Variants in KCNA2 observed in about 807,000 individuals in gnomAD.
KCNA2 encodes potassium channel, voltage gated shaker related subfamily A, member 2.
Under a neutral mutation model 33.4 loss-of-function variants are expected in KCNA2, and 11 were observed. The observed-to-expected ratio is 0.33, with a 90% CI of 0.21 to 0.55. The LOEUF is 0.55. KCNA2 is among the 20% of genes least tolerant of loss of function. The pLI, the probability that KCNA2 is intolerant of heterozygous loss-of-function variation, is 0.93. For missense variants in KCNA2, 291 were observed against 621.6 expected (o/e 0.47, Z 5.66); for synonymous variants, 222 against 231.3 (o/e 0.96, Z 0.37).
Position 110,598,007 on chromosome 1 carries a change from T to G in KCNA2, c.*5276A>C. On this transcript the variant is annotated 3_prime_UTR_variant, in exon 3 of 3. Transcript: ENST00000316361. ...AGGGTTGGACTCAACAAGGGCTAAG[T>G]CTGAAGATATAGATGATGGTCACAA... 3.0e-6 allele frequency: 3 copies of G among 985,328 alleles called. No individual in the cohort carries two copies. The highest frequency in any genetic ancestry group is 4.7e-5 in the South Asian group (1 of 21,274). The allele number at this position is 985,328 out of a possible 1,614,324, so 61.0% of individuals were successfully genotyped here.
At position 110,595,190 on chromosome 1, in the gene KCNA2, T is replaced by C. The variant is rs1423424778; in HGVS notation, c.*8093A>G. On this transcript the variant is annotated 3_prime_UTR_variant, in exon 3 of 3. Coordinates refer to ENST00000316361, the MANE Select transcript of KCNA2 (RefSeq NM_004974.4). Reference sequence around the variant, plus strand: ...GATGTTGCAGTAGCTGTCCACATTATTACATAATCATGCCCTGTGCATCCA... The same window carrying C: ...GATGTTGCAGTAGCTGTCCACATTACTACATAATCATGCCCTGTGCATCCA... 1.0e-6 allele frequency: 1 copy of C among 985,286 alleles called. No homozygotes were observed. The highest frequency in any genetic ancestry group is 1.2e-6 in the Non-Finnish European group (1 of 829,924). 61.0% of individuals were successfully genotyped at this position (985,286 alleles called of 1,614,324 possible). A position where few individuals can be genotyped will look rare whatever the true frequency, so the allele number is the denominator to read the frequency against.
In KCNA2 at chr1:110,594,254, C is replaced by T; in HGVS notation, c.*9029G>A. The T allele has an allele frequency of 9.9e-7, 1 of 1,011,390 alleles. No homozygotes were observed. Among genetic ancestry groups the T allele is most frequent in the East Asian group, 9.9e-5 (1 of 10,070 alleles). The allele number at this position is 1,011,390 out of a possible 1,614,324, so 62.7% of individuals were successfully genotyped here. A position where few individuals can be genotyped will look rare whatever the true frequency, so the allele number is the denominator to read the frequency against. On this transcript the variant is annotated 3_prime_UTR_variant, in exon 3 of 3. Transcript: ENST00000316361. ...CTAACTGGAGTCTGTGCTGCATGAG[C>T]CTAAGTGAGTGGCGGCCATTTCCTC...
chr1:110,617,332 G>C (rs61784714), intron 1 of KCNA2, among the ~76,000 whole-genome samples: 5,907 of 152,326 alleles, frequency 0.039, 138 homozygotes, highest in Middle Eastern at 0.071. Context: ...GCGCCAGATG[G>C]AGTGCCAGGA....
chr1:110,599,239 C>T lies in KCNA2; in HGVS notation c.*4044G>A. The T allele has an allele frequency of 3.0e-6, 3 of 985,370 alleles. No homozygotes were observed. The highest frequency in any genetic ancestry group is 2.4e-6 in the Non-Finnish European group (2 of 829,870). The allele number at this position is 985,370 out of a possible 1,614,324, so 61.0% of individuals were successfully genotyped here. On this transcript the variant is annotated 3_prime_UTR_variant, in exon 3 of 3. Coordinates refer to ENST00000316361, the MANE Select transcript of KCNA2 (RefSeq NM_004974.4). Reference sequence around the variant, plus strand: ...AGCCTTTGCTAAAATGCACTCAGCTCTCAGCTAGTCCTACTTAGGGGAAGA... The same window carrying T: ...AGCCTTTGCTAAAATGCACTCAGCTTTCAGCTAGTCCTACTTAGGGGAAGA...
At chr1:110,619,391 C>T (rs1264257099) in intron 1 of KCNA2, among the ~76,000 whole-genome samples, 2 of 152,256 alleles carry the variant, frequency 1.3e-5, no homozygotes, top group Non-Finnish European at 2.9e-5. Flanking sequence ...TCTCCTGTCT[C>T]GGCTATGAAA....
intron 1 of KCNA2, among the ~76,000 whole-genome samples, chr1:110,628,592 T>C (rs1261446385): frequency 6.6e-6 from 1 of 152,218 alleles, no homozygotes; most frequent in Non-Finnish European, 1.5e-5. Context: ...ATGGGGGCCT[T>C]GTCCAGTGTC....
intron 1 of KCNA2, among the ~76,000 whole-genome samples, chr1:110,612,689 C>T (rs765303438): frequency 1.3e-5 from 2 of 152,202 alleles, no homozygotes; most frequent in Non-Finnish European, 2.9e-5. Flanking sequence ...CAGGTAGGAT[C>T]TATCACCTCT....
intron 1 of KCNA2, among the ~76,000 whole-genome samples, chr1:110,626,383 C>CA (rs1222894142): frequency 3.3e-5 from 5 of 150,380 alleles, no homozygotes; most frequent in Admixed American, 2.0e-4. Flanking sequence ...CTTTTGAGTA[C>CA]AAAAATCAGA....
Position 110,594,586 on chromosome 1 carries a change from G to A in KCNA2, c.*8697C>T, listed in dbSNP as rs926580378. The A allele has an allele frequency of 3.0e-6, 3 of 985,262 alleles. No individual in the cohort carries two copies. Among genetic ancestry groups the A allele is most frequent in the African/African-American group, 3.5e-5 (2 of 57,202 alleles). 61.0% of individuals were successfully genotyped at this position (985,262 alleles called of 1,614,324 possible). Reference sequence around the variant, plus strand: ...AAGAGGCCAATTTGGCTGGGGTATTGTTTGCTCAGCAGGCTAGAGCTTGAT... The same window carrying A: ...AAGAGGCCAATTTGGCTGGGGTATTATTTGCTCAGCAGGCTAGAGCTTGAT... On this transcript the variant is annotated 3_prime_UTR_variant, in exon 3 of 3. Coordinates refer to ENST00000316361, the MANE Select transcript of KCNA2 (RefSeq NM_004974.4).
intron 1 of KCNA2, among the ~76,000 whole-genome samples, chr1:110,624,849 G>A (rs1238704360): frequency 2.0e-5 from 3 of 152,206 alleles, no homozygotes; most frequent in Non-Finnish European, 4.4e-5. Flanking sequence ...ATAGTGGCAA[G>A]TCTTGGAGAT....
chr1:110,627,082 C>G (rs1321533984), intron 1 of KCNA2, among the ~76,000 whole-genome samples: 2 of 152,190 alleles, frequency 1.3e-5, no homozygotes, highest in African/African-American at 2.4e-5. Context: ...TTCACACACA[C>G]AGGAAACTGA....
Position 110,604,966 on chromosome 1 carries a change from T to C in KCNA2, c.-163-21A>G, listed in dbSNP as rs1033447924. The C allele has an allele frequency of 5.3e-5, 33 of 617,178 alleles. No homozygotes were observed. The highest frequency in any genetic ancestry group is 4.4e-4 in the Middle Eastern group (1 of 2,284). 38.2% of individuals were successfully genotyped at this position (617,178 alleles called of 1,614,324 possible). A position where few individuals can be genotyped will look rare whatever the true frequency, so the allele number is the denominator to read the frequency against. On this transcript the variant is annotated intron_variant, in intron 2 of 2. Coordinates refer to ENST00000316361, the MANE Select transcript of KCNA2 (RefSeq NM_004974.4). The surrounding 1 kb of genome is among the most constrained non-coding windows in gnomAD (Gnocchi z 7.6). The stretch of plus-strand genomic sequence containing the variant: ...CTTGGCTGAAAGACAGAGGCAGTTA[T>C]TGACATGAGGCTACTCAGCATTGGC...
intron 1 of KCNA2, among the ~76,000 whole-genome samples, chr1:110,625,541 A>G (rs1442610994): frequency 1.3e-5 from 2 of 152,244 alleles, no homozygotes; most frequent in African/African-American, 4.8e-5. Context: ...AATCATAAAG[A>G]ATATCTGTCA....
chr1:110,619,057 C>G (rs375231796), intron 1 of KCNA2, among the ~76,000 whole-genome samples: 3 of 152,078 alleles, frequency 2.0e-5, no homozygotes, highest in Non-Finnish European at 4.4e-5. Context: ...GTCCTATGGC[C>G]CAGAAGGCTC....
Position 110,593,957 on chromosome 1 carries a change from T to TA in KCNA2, c.*9325dup. On this transcript the variant is annotated 3_prime_UTR_variant, in exon 3 of 3. Transcript: ENST00000316361. ...AATTTTCAAGAAGCAAACAAATAGTTAAATGACTCCCAACTCCCATGAGTC... is the reference window on the plus strand; with the variant it reads ...AATTTTCAAGAAGCAAACAAATAGTTAAAATGACTCCCAACTCCCATGAGTC... 6.5e-7 allele frequency: 1 copy of TA among 1,549,568 alleles called. No individual in the cohort carries two copies. Among genetic ancestry groups the TA allele is most frequent in the Non-Finnish European group, 8.7e-7 (1 of 1,146,584 alleles).
At position 110,593,800 on chromosome 1, in the gene KCNA2, A is replaced by G. The variant is rs565899294; in HGVS notation, c.*9483T>C. On this transcript the variant is annotated 3_prime_UTR_variant, in exon 3 of 3. Transcript: ENST00000316361. ...AACCTATGTACAAATATCAGACCCT[A>G]CTGACACAGGAACTCTCAGCTGCAG... 3.4e-6 allele frequency: 5 copies of G among 1,481,168 alleles called. No homozygotes were observed. In the African/African-American group the frequency reaches 7.0e-5, roughly 21 times the overall value. The allele number at this position is 1,481,168 out of a possible 1,614,324, so 91.8% of individuals were successfully genotyped here. A position where few individuals can be genotyped will look rare whatever the true frequency, so the allele number is the denominator to read the frequency against.
Position 110,593,783 on chromosome 1 carries a change from T to C in KCNA2, c.*9500A>G. The C allele has an allele frequency of 7.3e-7, 1 of 1,364,324 alleles. No individual in the cohort carries two copies. The highest frequency in any genetic ancestry group is 1.0e-6 in the Non-Finnish European group (1 of 992,896). The allele number at this position is 1,364,324 out of a possible 1,614,324, so 84.5% of individuals were successfully genotyped here. A position where few individuals can be genotyped will look rare whatever the true frequency, so the allele number is the denominator to read the frequency against. The stretch of plus-strand genomic sequence containing the variant: ...TGTACACATATATGTATAACCTATG[T>C]ACAAATATCAGACCCTACTGACACA... On this transcript the variant is annotated 3_prime_UTR_variant, in exon 3 of 3. Transcript: ENST00000316361.
At chr1:110,624,685 G>T (rs1167069835) in intron 1 of KCNA2, among the ~76,000 whole-genome samples, 1 of 152,206 alleles carries the variant, frequency 6.6e-6, no homozygotes, top group Non-Finnish European at 1.5e-5. Flanking sequence ...TGGGAAAAAT[G>T]TGCCAACATA....
intron 1 of KCNA2, chr1:110,605,994 G>C (rs1649583669): frequency 6.6e-6 from 1 of 152,478 alleles, no homozygotes; most frequent in South Asian, 2.1e-4. Flanking sequence ...CAGGTTGCTA[G>C]TCCCCAGCTG....
Sources: gnomAD v4.1 joint callset for allele counts (sites outside exome capture counted in the v4.1 genomes callset) on GRCh38, gnomAD v4.1.1 for gene constraint, Gnocchi (gnomAD v3.1) non-coding constraint, MANE v1.5 for transcripts, NCBI Gene and HGNC (gene_info 2026-07-23, HGNC 2026-07-21) for gene names.